Variants in RAB2A observed in about 807,000 individuals in gnomAD.
RAB2A encodes RAB2A, member RAS oncogene family, also known as ras-related protein Rab-2A.
A neutral mutation model predicts 32.5 loss-of-function variants in RAB2A; 7 were observed. The observed-to-expected ratio is 0.22, with a 90% confidence interval of 0.12 to 0.40. RAB2A has a LOEUF of 0.40. Among genes scored for constraint, RAB2A ranks in the 10% least tolerant of loss-of-function variants. The pLI is 1.00. For missense variants in RAB2A, 108 were observed against 260.7 expected (o/e 0.41, Z 4.03); for synonymous variants, 79 against 85.2 (o/e 0.93, Z 0.40).
chr8:60,598,936 G>GAAAAAAA (rs1491559470), intron 6 of RAB2A, among the ~76,000 whole-genome samples: 1 of 3,496 alleles, frequency 2.9e-4, no homozygotes, highest in Non-Finnish European at 8.4e-4. Flanking sequence ...GTGCAGTAAA[G>GAAAAAAA]CAAAAAAAAA....
chr8:60,523,774 T>C (rs1322615160), intron 1 of RAB2A, among the ~76,000 whole-genome samples: 2 of 150,768 alleles, frequency 1.3e-5, no homozygotes, highest in East Asian at 2.0e-4. Flanking sequence ...CACTGCAAGC[T>C]CCGTCTCCCG....
chr8:60,541,118 T>C (rs1807638555), intron 1 of RAB2A, among the ~76,000 whole-genome samples: 1 of 152,200 alleles, frequency 6.6e-6, no homozygotes, highest in Non-Finnish European at 1.5e-5. Flanking sequence ...ATGAAAATGG[T>C]ATTCTTTCTC....
At chr8:60,519,510 T>A (rs1392409131) in intron 1 of RAB2A, among the ~76,000 whole-genome samples, 1 of 152,202 alleles carries the variant, frequency 6.6e-6, no homozygotes, top group Non-Finnish European at 1.5e-5. Flanking sequence ...TCAACATATA[T>A]TAAGCTCTTA....
chr8:60,571,958 T>G, intron 2 of RAB2A, 88 bp from the exon 3 acceptor site: 1 of 890,790 alleles, frequency 1.1e-6, no homozygotes, highest in East Asian at 2.8e-5. Context: ...GCATAGCATG[T>G]CTTGGAAGTA....
At chr8:60,558,795 TA>T (rs1296179180) in intron 1 of RAB2A, 56 bp from the exon 2 acceptor site, 1 of 1,430,624 alleles carries the variant, frequency 7.0e-7, no homozygotes, top group Non-Finnish European at 9.8e-7. Context: ...GTCCTTTTTG[TA>T]AAGCATCTTA....
intron 1 of RAB2A, among the ~76,000 whole-genome samples, chr8:60,549,678 TC>T (rs889257624): frequency 1.6e-4 from 25 of 151,864 alleles, no homozygotes; most frequent in African/African-American, 2.4e-4. Flanking sequence ...GATAGTTTTT[TC>T]CCCCCATTTC....
At chr8:60,558,122 T>C (rs1222842219) in intron 1 of RAB2A, among the ~76,000 whole-genome samples, 1 of 152,182 alleles carries the variant, frequency 6.6e-6, no homozygotes, top group African/African-American at 2.4e-5. Flanking sequence ...TGACTGCTTT[T>C]AGTATTTTTA....
chr8:60,581,361 G>A (rs116498006), intron 3 of RAB2A, among the ~76,000 whole-genome samples: 1,841 of 152,306 alleles, frequency 0.012, 38 homozygotes, highest in African/African-American at 0.042. Flanking sequence ...GGCAGGTAGT[G>A]TAGTGTATAC....
intron 6 of RAB2A, among the ~76,000 whole-genome samples, chr8:60,606,047 G>C (rs1386246583): frequency 6.6e-6 from 1 of 152,026 alleles, no homozygotes; most frequent in Non-Finnish European, 1.5e-5. Context: ...TACTCAGGAG[G>C]CTGAGACAGG....
At position 60,529,074 on chromosome 8, in the gene RAB2A, C is replaced by G. The variant is rs200347092; in HGVS notation, c.46+11821C>G. 1.2e-4 allele frequency among the ~76,000 whole-genome samples: 18 copies of G among 152,146 alleles called. No individual in the cohort carries two copies. The East Asian group carries it at 3.5e-3, about 29-fold the overall frequency. On this transcript the variant is annotated intron_variant, in intron 1 of 7. Transcript: ENST00000262646. ...TCTTCTCATGGCTTCTCTCTTGACC[C>G]ATTAAGCATGTTTCTTTTTTTTTTC...
intron 6 of RAB2A, among the ~76,000 whole-genome samples, chr8:60,612,581 T>C (rs1804369704): frequency 6.6e-6 from 1 of 152,220 alleles, no homozygotes; most frequent in Non-Finnish European, 1.5e-5. Context: ...GTATTAAAGA[T>C]AGCTGATCCT....
chr8:60,609,311 A>G (rs528539100), intron 6 of RAB2A, among the ~76,000 whole-genome samples: 1 of 152,308 alleles, frequency 6.6e-6, no homozygotes, highest in Admixed American at 6.5e-5. Context: ...TGACACCAGC[A>G]TGTCTTCCTT....
intron 1 of RAB2A, among the ~76,000 whole-genome samples, chr8:60,534,577 G>A (rs1807529051): frequency 6.6e-6 from 1 of 152,224 alleles, no homozygotes; most frequent in South Asian, 2.1e-4. Flanking sequence ...ATCAGTTTCT[G>A]CTTTTGCCCC....
At chr8:60,608,888 T>TA (rs1804288826) in intron 6 of RAB2A, among the ~76,000 whole-genome samples, 2 of 152,208 alleles carry the variant, frequency 1.3e-5, no homozygotes, top group Admixed American at 1.3e-4. Flanking sequence ...ATTCAGTTAA[T>TA]ACGTATCACT....
chr8:60,558,676 G>C, intron 1 of RAB2A, 176 bp from the exon 2 acceptor site: 1 of 649,838 alleles, frequency 1.5e-6, no homozygotes, highest in Admixed American at 2.4e-5. Flanking sequence ...TTGGTTTACA[G>C]CTTCCACCTA....
At chr8:60,618,171 T>C (rs1227113567) in intron 6 of RAB2A, among the ~76,000 whole-genome samples, 23 of 152,260 alleles carry the variant, frequency 1.5e-4, no homozygotes, top group Admixed American at 1.5e-3. Flanking sequence ...ATGCTGTTTG[T>C]AATGCTAATT....
chr8:60,566,955 C>G (rs1028534477), intron 2 of RAB2A, among the ~76,000 whole-genome samples: 3 of 152,150 alleles, frequency 2.0e-5, no homozygotes, highest in African/African-American at 4.8e-5. Flanking sequence ...TTTATGGCTG[C>G]TATGTCTTTC....
At chr8:60,532,378 A>C (rs542846612) in intron 1 of RAB2A, among the ~76,000 whole-genome samples, 1 of 152,356 alleles carries the variant, frequency 6.6e-6, no homozygotes, top group East Asian at 1.9e-4. Flanking sequence ...ATAGCTAAAA[A>C]GTAATAAATT....
chr8:60,548,768 G>T (rs1401883850), intron 1 of RAB2A, among the ~76,000 whole-genome samples: 1 of 143,874 alleles, frequency 7.0e-6, no homozygotes, highest in African/African-American at 2.7e-5. Flanking sequence ...CGGGCGGGGG[G>T]CTGATCCCCC....
Sources: gnomAD v4.1 joint callset for allele counts (sites outside exome capture counted in the v4.1 genomes callset) on GRCh38, gnomAD v4.1.1 for gene constraint, MANE v1.5 for transcripts, NCBI Gene and HGNC (gene_info 2026-07-23, HGNC 2026-07-21) for gene names.